The following RFC2 variants were observed in gnomAD, a reference collection of about 807,000 sequenced individuals.
The protein encoded by RFC2 is A1 40 kDa subunit.
Under a neutral mutation model 44.8 loss-of-function variants are expected in RFC2, and 34 were observed. The ratio of observed to expected loss-of-function variants is 0.76; its 90% CI spans 0.58 to 1.01. The LOEUF (loss-of-function observed/expected upper bound fraction) is 1.01. Ranked by LOEUF, RFC2 falls within the 50% of genes least tolerant of loss-of-function variation. RFC2 has a pLI of 0.00. For synonymous variants in RFC2, 177 were observed against 168.9 expected (o/e 1.05, Z -0.37); for missense variants, 400 against 453.6 (o/e 0.88, Z 1.07).
In RFC2 at chr7:74,235,522, T is replaced by A. The variant is rs1802965420; in HGVS notation, c.954+10A>T. 6.6e-7 allele frequency: 1 copy of A among 1,524,994 alleles called. No homozygotes were observed. The highest frequency in any genetic ancestry group is 9.1e-7 in the Non-Finnish European group (1 of 1,098,936). The allele number at this position is 1,524,994 out of a possible 1,614,324, so 94.5% of individuals were successfully genotyped here. On this transcript the variant is annotated intron_variant, in intron 10 of 10. Coordinates refer to ENST00000055077, the MANE Select transcript of RFC2 (RefSeq NM_181471.3). ...CTTGAGGACAGAGGCATTTCTACAT[T>A]CTCACCGACCTTGATAAACTCCAGT...
At chr7:74,232,401 A>C (rs1437140621) in intron 10 of RFC2, among the ~76,000 whole-genome samples, 185 bp from the exon 11 acceptor site, 2 of 152,134 alleles carry the variant, frequency 1.3e-5, no homozygotes, top group Non-Finnish European at 2.9e-5. Context: ...ATGTTTACCT[A>C]AAGTTCTATT....
chr7:74,252,385 C>T (rs782429294), intron 2 of RFC2, 44 bp downstream of exon 2: 22 of 1,097,954 alleles, frequency 2.0e-5, no homozygotes, highest in South Asian at 9.0e-5. Context: ...CCAGCCTGGG[C>T]GACAGAGCGA....
At chr7:74,252,036 T>C (rs1786989496) in intron 2 of RFC2, among the ~76,000 whole-genome samples, 1 of 140,084 alleles carries the variant, frequency 7.1e-6, no homozygotes, top group Non-Finnish European at 1.5e-5. Context: ...CAGGCAGAGC[T>C]TGCAGAGAGG....
Position 74,243,211 on chromosome 7 carries a change from G to T in RFC2, c.470C>A (p.Thr157Asn). ...TDGAQQALRR[T>N]MEIYSKTTRF... ...AGTGGTTTTAGAGTAGATTTCCATG[G>T]TTCTCCTCAAGGCTTGCTGGGCTCC... Residue 157 changes from threonine (T) to asparagine (N), a missense_variant, in exon 6 of 11, where the codon ACC becomes AAC. Coordinates refer to ENST00000055077, the MANE Select transcript of RFC2 (RefSeq NM_181471.3). 3.1e-6 allele frequency: 5 copies of T among 1,613,892 alleles called. No homozygotes were observed. The highest frequency in any genetic ancestry group is 3.4e-6 in the Non-Finnish European group (4 of 1,179,836).
chr7:74,238,882 A>AAC lies in RFC2; in HGVS notation c.759+40_759+41insGT, dbSNP rs782112917. ...GCCCCACTGGCCCCCACAGGGAAGCACGGCTTCTGCTGACAGTACCACCCA... is the reference window on the plus strand; with the variant it reads ...GCCCCACTGGCCCCCACAGGGAAGCAACCGGCTTCTGCTGACAGTACCACCCA... On this transcript the variant is annotated intron_variant, in intron 8 of 10. Transcript: ENST00000055077. The surrounding 1 kb of genome is among the most constrained non-coding windows in gnomAD (Gnocchi z 4.0). 2.1e-5 allele frequency: 32 copies of AAC among 1,543,534 alleles called. No homozygotes were observed. Among genetic ancestry groups the AAC allele is most frequent in the Non-Finnish European group, 2.8e-5 (31 of 1,116,002 alleles).
At position 74,235,575 on chromosome 7, in the gene RFC2, T is replaced by C; in HGVS notation, c.911A>G (p.Lys304Arg). The part of the protein sequence containing the change: ...DIIGNIFRVC[K>R]TFQMAEYLKL... ...CAGGTATTCTGCCATTTGGAAAGTT[T>C]TACACACTCGAAAGATGTTGCCAAT... Residue 304 changes from lysine to arginine, a missense_variant, in exon 10 of 11, where the codon AAA (lysine) becomes AGA (arginine). Coordinates refer to ENST00000055077, the MANE Select transcript of RFC2 (RefSeq NM_181471.3). 6.2e-7 allele frequency: 1 copy of C among 1,613,742 alleles called. No homozygotes were observed. The highest frequency in any genetic ancestry group is 8.5e-7 in the Non-Finnish European group (1 of 1,179,618).
chr7:74,235,822 A>AT (rs1271842655), intron 9 of RFC2, among the ~76,000 whole-genome samples, 177 bp from the exon 10 acceptor site: 40 of 151,282 alleles, frequency 2.6e-4, no homozygotes, highest in Middle Eastern at 3.4e-3. Context: ...TTGCTTAAAT[A>AT]TTTTTTTTTC....
intron 6 of RFC2, among the ~76,000 whole-genome samples, chr7:74,242,370 T>G (rs1471255826): frequency 6.6e-6 from 1 of 152,086 alleles, no homozygotes; most frequent in Non-Finnish European, 1.5e-5. Context: ...CCAAGCTCGT[T>G]TTCTTTCTCT....
intron 4 of RFC2, among the ~76,000 whole-genome samples, chr7:74,247,207 T>C (rs988859100): frequency 1.4e-4 from 22 of 152,026 alleles, no homozygotes; most frequent in African/African-American, 5.1e-4. Context: ...GTAATAGAAG[T>C]GCAGATATAC....
At chr7:74,246,380 CAGAG>C (rs1263520385) in intron 5 of RFC2, among the ~76,000 whole-genome samples, 1 of 141,790 alleles carries the variant, frequency 7.1e-6, no homozygotes, top group Non-Finnish European at 1.5e-5. Flanking sequence ...GCCTGAGTGA[CAGAG>C]AGAAACTCCA....
chr7:74,246,753 C>T lies in RFC2; in HGVS notation c.343G>A (p.Val115Ile), dbSNP rs199971873. Residue 115 changes from valine (V) to isoleucine (I), a missense_variant, in exon 5 of 11, where the codon GTT becomes ATT. By Grantham distance (29) the Val-to-Ile change is conservative (BLOSUM62 3). Coordinates refer to ENST00000055077, the MANE Select transcript of RFC2 (RefSeq NM_181471.3). ...AACATTTTAATTTTATTCCTCACAA[C>T]GTCAATGCCCCTGAAAGAATGACAG... ...LNASNDRGID[V>I]VRNKIKMFAQ... is the part of the protein sequence containing the mutation. The T allele has an allele frequency of 6.8e-6, 11 of 1,609,216 alleles. No homozygotes were observed. The highest frequency in any genetic ancestry group is 2.2e-5 in the East Asian group (1 of 44,760).
At chr7:74,235,329 G>A (rs1584243067) in intron 10 of RFC2, among the ~76,000 whole-genome samples, 1 of 147,876 alleles carries the variant, frequency 6.8e-6, no homozygotes, top group South Asian at 2.2e-4. Flanking sequence ...GAGCCACCAC[G>A]CCCAGCCATG....
intron 5 of RFC2, among the ~76,000 whole-genome samples, chr7:74,246,186 ACT>A (rs1803593420): frequency 6.6e-6 from 1 of 151,458 alleles, no homozygotes; most frequent in South Asian, 2.1e-4. Context: ...ACAGAGCGAG[ACT>A]CTGTCTCAAA....
intron 9 of RFC2, among the ~76,000 whole-genome samples, chr7:74,236,087 AT>A (rs1166707087): frequency 6.6e-6 from 1 of 152,184 alleles, no homozygotes; most frequent in Non-Finnish European, 1.5e-5. Context: ...AAAGCAGACC[AT>A]TCATCTGCTA....
intron 10 of RFC2, 87 bp downstream of exon 10, chr7:74,235,445 G>A (rs1367843748): frequency 1.2e-6 from 1 of 867,980 alleles, no homozygotes; most frequent in Non-Finnish European, 2.0e-6. Flanking sequence ...GCCTCCCAAA[G>A]TGCTGGGATT....
rs1787025001 is a variant in RFC2, at chr7:74,252,445, G to A, written c.167C>T (p.Thr56Ile). 5 of 1,602,958 alleles carry A rather than the reference G, an allele frequency of 3.1e-6. No homozygotes were observed. The highest frequency in any genetic ancestry group is 4.3e-6 in the Non-Finnish European group (5 of 1,171,146). Residue 56 changes from threonine to isoleucine, a missense_variant, in exon 2 of 11, where the codon ACC becomes ATC. Coordinates refer to ENST00000055077, the MANE Select transcript of RFC2 (RefSeq NM_181471.3). The part of the protein sequence containing the change: ...KLNEIVGNED[T>I]VSRLEVFARE... ...GCCACTCACCTCTAGCCTGCTCACG[G>A]TGTCTTCATTCCCGACAATTTCATT...
chr7:74,234,891 T>C (rs1274896610), intron 10 of RFC2, among the ~76,000 whole-genome samples: 2 of 152,180 alleles, frequency 1.3e-5, no homozygotes, highest in Non-Finnish European at 2.9e-5. Context: ...ATCAACCTCT[T>C]TTCTTTCTAC....
At chr7:74,250,249 A>C (rs1237045111) in intron 2 of RFC2, among the ~76,000 whole-genome samples, 1 of 151,980 alleles carries the variant, frequency 6.6e-6, no homozygotes, top group Admixed American at 6.6e-5. Flanking sequence ...GTGGCTACAA[A>C]TTTATCCACA....
intron 7 of RFC2, among the ~76,000 whole-genome samples, 155 bp from the exon 8 acceptor site, chr7:74,239,143 T>C (rs576994283): frequency 6.7e-6 from 1 of 150,018 alleles, no homozygotes; most frequent in East Asian, 2.0e-4. Context: ...ATTACAGGCA[T>C]GAGCCACCGC....
Sources: gnomAD v4.1 joint callset for allele counts (sites outside exome capture counted in the v4.1 genomes callset) on GRCh38, gnomAD v4.1.1 for gene constraint, Gnocchi (gnomAD v3.1) non-coding constraint, MANE v1.5 for transcripts, NCBI Gene and HGNC (gene_info 2026-07-23, HGNC 2026-07-21) for gene names.